The following PXDNL variants were observed in gnomAD, a reference collection of about 807,000 sequenced individuals.
PXDNL encodes the protein probable oxidoreductase PXDNL.
Under a neutral mutation model 150.8 loss-of-function variants are expected in PXDNL, and 145 were observed. The ratio of observed to expected loss-of-function variants is 0.96; its 90% CI spans 0.84 to 1.10. The LOEUF is 1.10. PXDNL is among the 50% of genes least tolerant of loss of function. PXDNL has a pLI of 0.00. For missense variants in PXDNL, 2,087 were observed against 1,873.9 expected (o/e 1.11, Z -2.10); for synonymous variants, 757 against 725.7 (o/e 1.04, Z -0.69).
chr8:51,612,518 C>T (rs1220872382), intron 2 of PXDNL, among the ~76,000 whole-genome samples: 1 of 152,106 alleles, frequency 6.6e-6, no homozygotes, highest in Admixed American at 6.5e-5. Context: ...AACGTTTGTG[C>T]CCCCCACTGC....
chr8:51,323,348 T>C (rs1014874022), intron 21 of PXDNL, among the ~76,000 whole-genome samples: 180 of 152,302 alleles, frequency 1.2e-3, no homozygotes, highest in Non-Finnish European at 2.3e-3. Flanking sequence ...GGCACCATCA[T>C]GGCTCACTGT....
At chr8:51,613,422 C>A (rs1814060817) in intron 2 of PXDNL, among the ~76,000 whole-genome samples, 2 of 134,808 alleles carry the variant, frequency 1.5e-5, no homozygotes, top group Admixed American at 9.1e-5. Flanking sequence ...CAAGAAAGTA[C>A]ACGTGATCAC....
At chr8:51,666,191 G>A (rs1218625687) in intron 1 of PXDNL, among the ~76,000 whole-genome samples, 1 of 152,080 alleles carries the variant, frequency 6.6e-6, no homozygotes, top group Non-Finnish European at 1.5e-5. Flanking sequence ...TGATCTTTCG[G>A]TGGCATTTGA....
chr8:51,361,700 G>A (rs368070893), intron 19 of PXDNL, among the ~76,000 whole-genome samples: 25 of 152,014 alleles, frequency 1.6e-4, no homozygotes, highest in African/African-American at 5.1e-4. Flanking sequence ...AGTGGCTCAC[G>A]CCTGTAATCT....
intron 21 of PXDNL, among the ~76,000 whole-genome samples, chr8:51,323,360 T>C (rs887713245): frequency 2.6e-5 from 4 of 152,104 alleles, no homozygotes; most frequent in African/African-American, 9.7e-5. Context: ...GCTCACTGTA[T>C]CCTCAACCTC....
intron 17 of PXDNL, among the ~76,000 whole-genome samples, chr8:51,380,639 C>A (rs1456239484): frequency 1.3e-5 from 2 of 152,110 alleles, no homozygotes; most frequent in Non-Finnish European, 2.9e-5. Context: ...TTTATCCTTT[C>A]TGATCTTTAT....
intron 1 of PXDNL, among the ~76,000 whole-genome samples, chr8:51,755,301 T>G (rs912864773): frequency 3.3e-5 from 5 of 150,822 alleles, no homozygotes; most frequent in Admixed American, 1.3e-4. Context: ...ATGTTTTGTT[T>G]TTTTTTTTTT....
intron 2 of PXDNL, among the ~76,000 whole-genome samples, chr8:51,644,022 T>C (rs1814843729): frequency 6.6e-6 from 1 of 151,692 alleles, no homozygotes; most frequent in African/African-American, 2.4e-5. Context: ...GGCAGGCACC[T>C]GTAGTTCCAG....
intron 21 of PXDNL, among the ~76,000 whole-genome samples, chr8:51,338,301 C>A (rs1805890715): frequency 6.6e-6 from 1 of 152,128 alleles, no homozygotes; most frequent in Non-Finnish European, 1.5e-5. Flanking sequence ...AGCTTAGCTT[C>A]CCAATGTGAG....
chr8:51,432,719 G>A (rs758318097), intron 12 of PXDNL, among the ~76,000 whole-genome samples: 1 of 152,142 alleles, frequency 6.6e-6, no homozygotes, highest in African/African-American at 2.4e-5. Context: ...CAATGATCTT[G>A]CTGAACTCTT....
chr8:51,694,731 C>A (rs959003080), intron 1 of PXDNL, among the ~76,000 whole-genome samples: 1 of 152,138 alleles, frequency 6.6e-6, no homozygotes, highest in African/African-American at 2.4e-5. Flanking sequence ...CCATTTGTAA[C>A]ATAACAAGGC....
intron 12 of PXDNL, among the ~76,000 whole-genome samples, chr8:51,434,694 T>C (rs553201079): frequency 6.6e-6 from 1 of 152,342 alleles, no homozygotes; most frequent in Admixed American, 6.5e-5. Context: ...AATTCTAGTA[T>C]GCTCTACTGA....
At position 51,654,679 on chromosome 8, in the gene PXDNL, A is replaced by G. The variant is rs1815114958; in HGVS notation, c.236+10T>C. 1 of 1,604,542 alleles carries G rather than the reference A, an allele frequency of 6.2e-7. No homozygotes were observed. The highest frequency in any genetic ancestry group is 8.5e-7 in the Non-Finnish European group (1 of 1,172,006). ...TTTAGGAACCTTACAGATAAGCAAT[A>G]AGTACTCACAGTGTGTTCAAATTCT... is the stretch of plus-strand genomic sequence containing the variant. On this transcript the variant is annotated intron_variant, in intron 2 of 22. Transcript: ENST00000356297.
intron 17 of PXDNL, among the ~76,000 whole-genome samples, chr8:51,381,403 A>T (rs1197581757): frequency 6.6e-6 from 1 of 152,096 alleles, no homozygotes; most frequent in African/African-American, 2.4e-5. Flanking sequence ...GGCTACACCA[A>T]CCTCCAAAAT....
At chr8:51,667,006 G>A in intron 1 of PXDNL, among the ~76,000 whole-genome samples, 1 of 151,974 alleles carries the variant, frequency 6.6e-6, no homozygotes. Context: ...CCCTGTGCAT[G>A]AGCCCAGCCC....
intron 1 of PXDNL, among the ~76,000 whole-genome samples, chr8:51,711,610 T>G (rs769028161): frequency 2.0e-5 from 3 of 152,138 alleles, no homozygotes; most frequent in Non-Finnish European, 4.4e-5. Flanking sequence ...GAGCTATGAG[T>G]TCTAAAAACT....
At chr8:51,453,444 C>A in intron 10 of PXDNL, 75 bp downstream of exon 10, 1 of 1,415,182 alleles carries the variant, frequency 7.1e-7, no homozygotes. Context: ...ATGTACATGA[C>A]ATTATTTAAG....
chr8:51,792,253 CT>C, intron 1 of PXDNL, among the ~76,000 whole-genome samples: 1 of 152,064 alleles, frequency 6.6e-6, no homozygotes, highest in South Asian at 2.1e-4. Flanking sequence ...CTGGGACTGA[CT>C]AGGTGGTTGG....
chr8:51,759,690 G>T (rs948666297), intron 1 of PXDNL, among the ~76,000 whole-genome samples: 1 of 152,196 alleles, frequency 6.6e-6, no homozygotes, highest in Non-Finnish European at 1.5e-5. Flanking sequence ...ATAGCAATAA[G>T]CAAGAAGAAC....
Sources: gnomAD v4.1 joint callset for allele counts (sites outside exome capture counted in the v4.1 genomes callset) on GRCh38, gnomAD v4.1.1 for gene constraint, MANE v1.5 for transcripts, NCBI Gene and HGNC (gene_info 2026-07-23, HGNC 2026-07-21) for gene names.